Variants in C1orf21 observed in about 807,000 individuals in gnomAD.
The protein encoded by C1orf21 is chromosome 1 open reading frame 21.
C1orf21 carries 3 observed loss-of-function variants against 18.7 expected under a neutral mutation model. The ratio of observed to expected loss-of-function variants is 0.16; its 90% confidence interval spans 0.07 to 0.42. The LOEUF (loss-of-function observed/expected upper bound fraction) is 0.42. Ranked by LOEUF, C1orf21 falls within the 10% of genes least tolerant of loss-of-function variation. The pLI, the probability that C1orf21 is intolerant of heterozygous loss-of-function variation, is 0.99. For synonymous variants in C1orf21, 41 were observed against 46.4 expected (o/e 0.88, Z 0.47); for missense variants, 104 against 143.6 (o/e 0.72, Z 1.41).
intron 2 of C1orf21, among the ~76,000 whole-genome samples, chr1:184,505,906 G>A (rs979428143): frequency 1.3e-5 from 2 of 151,566 alleles, no homozygotes; most frequent in Admixed American, 6.6e-5. Flanking sequence ...GTGTAATTGT[G>A]TTGGGGGCAA....
chr1:184,545,755 G>T (rs879549699), intron 3 of C1orf21, among the ~76,000 whole-genome samples: 1 of 152,070 alleles, frequency 6.6e-6, no homozygotes, highest in Non-Finnish European at 1.5e-5. Context: ...CAAGTTCCAG[G>T]GTTCTTGGTC....
intron 3 of C1orf21, among the ~76,000 whole-genome samples, chr1:184,562,813 T>C (rs1299489139): frequency 6.6e-6 from 1 of 152,242 alleles, no homozygotes; most frequent in East Asian, 1.9e-4. Context: ...ACAAGTAATT[T>C]TGTAGACCAC....
chr1:184,581,291 G>A (rs1659273509), intron 3 of C1orf21, among the ~76,000 whole-genome samples: 1 of 152,076 alleles, frequency 6.6e-6, no homozygotes, highest in East Asian at 1.9e-4. Context: ...GCCAGGCATG[G>A]TGGCATGCAT....
chr1:184,435,016 T>C (rs945743187), intron 1 of C1orf21, among the ~76,000 whole-genome samples: 1 of 152,184 alleles, frequency 6.6e-6, no homozygotes, highest in Non-Finnish European at 1.5e-5. Context: ...CCATGAGAGA[T>C]AGATAATGGC....
intron 3 of C1orf21, among the ~76,000 whole-genome samples, chr1:184,540,658 T>C (rs1400873458): frequency 6.6e-6 from 1 of 152,218 alleles, no homozygotes; most frequent in Non-Finnish European, 1.5e-5. Flanking sequence ...CTTGAACTCC[T>C]GACCTCAGGT....
chr1:184,569,260 C>G (rs1191822019), intron 3 of C1orf21, among the ~76,000 whole-genome samples: 2 of 152,172 alleles, frequency 1.3e-5, no homozygotes, highest in Non-Finnish European at 2.9e-5. Flanking sequence ...TCCAGTGATA[C>G]AGAGCAGTAG....
At chr1:184,536,598 G>C (rs1658557395) in intron 3 of C1orf21, among the ~76,000 whole-genome samples, 1 of 152,162 alleles carries the variant, frequency 6.6e-6, no homozygotes, top group Non-Finnish European at 1.5e-5. Context: ...TGTTAGGGAG[G>C]GGTAGATATC....
intron 3 of C1orf21, among the ~76,000 whole-genome samples, chr1:184,513,101 TCACCC>T (rs1411693386): frequency 6.6e-6 from 1 of 152,172 alleles, no homozygotes; most frequent in East Asian, 1.9e-4. Flanking sequence ...CTTTGCCACT[TCACCC>T]TGGTCTGTGA....
intron 1 of C1orf21, among the ~76,000 whole-genome samples, chr1:184,411,114 G>A (rs1239060386): frequency 6.6e-6 from 1 of 152,092 alleles, no homozygotes; most frequent in Non-Finnish European, 1.5e-5. Context: ...TGGTTTACGG[G>A]AAAGTTTGTG....
At chr1:184,414,348 T>G (rs752051502) in intron 1 of C1orf21, among the ~76,000 whole-genome samples, 2 of 152,112 alleles carry the variant, frequency 1.3e-5, no homozygotes, top group Non-Finnish European at 2.9e-5. Context: ...GGGCTGGTCT[T>G]GAACTCCTGG....
chr1:184,394,550 A>G (rs569145984), intron 1 of C1orf21, among the ~76,000 whole-genome samples: 37 of 152,314 alleles, frequency 2.4e-4, no homozygotes, highest in Middle Eastern at 3.4e-3. Context: ...TCCACAGTTG[A>G]CAAGGAGGTC....
chr1:184,387,723 C>G lies in C1orf21; in HGVS notation c.-125+355C>G, dbSNP rs1196999056. On this transcript the variant is annotated intron_variant, in intron 1 of 5. Coordinates refer to ENST00000235307, the MANE Select transcript of C1orf21 (RefSeq NM_030806.4). This position sits in a 1 kb window ranked among gnomAD's most constrained non-coding sequence, Gnocchi z 5.6. ...AGACACCCCTCCCTTCCCACCCGCA[C>G]CCTGCCGCCCTCAGCCTTCCTGCTC... is the stretch of plus-strand genomic sequence containing the variant. Among the ~76,000 whole-genome samples the G allele has an allele frequency of 6.6e-6, 1 of 152,162 alleles. No individual in the cohort carries two copies. Among genetic ancestry groups the G allele is most frequent in the East Asian group, 1.9e-4 (1 of 5,184 alleles).
chr1:184,542,315 CT>C (rs1489848987), intron 3 of C1orf21, among the ~76,000 whole-genome samples: 1 of 152,090 alleles, frequency 6.6e-6, no homozygotes, highest in Non-Finnish European at 1.5e-5. Flanking sequence ...TTTTCGTATC[CT>C]TATTTTAGAG....
At chr1:184,567,321 C>G in intron 3 of C1orf21, 1 of 467,586 alleles carries the variant, frequency 2.1e-6, no homozygotes, top group South Asian at 1.7e-5. Flanking sequence ...TTGACTTCAC[C>G]TGACTTCCAG....
intron 1 of C1orf21, among the ~76,000 whole-genome samples, chr1:184,400,728 C>T (rs1656139045): frequency 6.6e-6 from 1 of 152,030 alleles, no homozygotes; most frequent in Non-Finnish European, 1.5e-5. Flanking sequence ...ATTTGTAAGT[C>T]AAACAAAGCC....
intron 3 of C1orf21, among the ~76,000 whole-genome samples, chr1:184,572,328 G>A (rs765200649): frequency 3.9e-5 from 6 of 152,192 alleles, no homozygotes; most frequent in Non-Finnish European, 5.9e-5. Flanking sequence ...TTATTTGAGA[G>A]AGGAGGCGTA....
At chr1:184,489,586 G>A (rs930496943) in intron 2 of C1orf21, among the ~76,000 whole-genome samples, 4 of 152,126 alleles carry the variant, frequency 2.6e-5, no homozygotes, top group East Asian at 1.9e-4. Context: ...TCTTAGGAAC[G>A]TAATTGGACA....
intron 5 of C1orf21, among the ~76,000 whole-genome samples, chr1:184,602,830 A>G (rs1198066174): frequency 6.6e-6 from 1 of 152,212 alleles, no homozygotes; most frequent in African/African-American, 2.4e-5. Context: ...AGGGATTTAC[A>G]TTTTGCTTTA....
intron 2 of C1orf21, among the ~76,000 whole-genome samples, chr1:184,501,430 A>G (rs1657975193): frequency 6.6e-6 from 1 of 152,134 alleles, no homozygotes. Context: ...CCACTGAGAT[A>G]TATCACGTCC....
Sources: allele counts gnomAD v4.1 joint callset (sites outside exome capture counted in the v4.1 genomes callset), GRCh38; gene constraint gnomAD v4.1.1; non-coding constraint Gnocchi (gnomAD v3.1); transcripts MANE v1.5; gene names NCBI Gene and HGNC (gene_info 2026-07-23, HGNC 2026-07-21).